HNRNPH2: variants seen among roughly 807,000 people sequenced by gnomAD.
The protein encoded by HNRNPH2 is heterogeneous nuclear ribonucleoprotein H2.
For missense variants in HNRNPH2, 115 were observed against 352.9 expected, an observed-to-expected ratio of 0.33 and a Z score of 5.40; for synonymous variants, 128 against 128.2, an observed-to-expected ratio of 1.00 and a Z score of 0.01.
intron 1 of HNRNPH2, among the ~76,000 whole-genome samples, chrX:101,411,294 G>T (rs1209351511): frequency 2.0e-5 from 2 of 100,570 alleles, no homozygotes; most frequent in Non-Finnish European, 4.1e-5. Flanking sequence ...TGTTTTGTTT[G>T]TGTTTTAATT....
At position 101,412,804 on chromosome X, in the gene HNRNPH2, T is replaced by C. The variant is rs782529056; in HGVS notation, c.816T>C (p.Ser272=). ...TCAATTACTGTTTTTCAGGAATGTCTGATCATAGATACGGAGATGGTGGGT... is the reference window on the plus strand; with the variant it reads ...TCAATTACTGTTTTTCAGGAATGTCCGATCATAGATACGGAGATGGTGGGT... ...RDLNYCFSGM[S]DHRYGDGGSS... is the part of the protein sequence containing the mutation. The change falls in exon 2 of 2, where the codon TCT becomes TCC. Residue 272 remains serine, a synonymous_variant. Transcript: ENST00000316594. 1.4e-5 allele frequency: 17 copies of C among 1,208,862 alleles called. No individual in the cohort carries two copies. In the Middle Eastern group the frequency reaches 2.8e-3, roughly 196 times the overall value.
At chrX:101,411,803 ACT>A (rs782247373) in intron 1 of HNRNPH2, 131 bp from the exon 2 acceptor site, 78 of 651,231 alleles carry the variant, frequency 1.2e-4, no homozygotes, top group African/African-American at 2.7e-4. Context: ...AATTTGGTGA[ACT>A]CTCTGTTTAT....
At chrX:101,409,670 G>T (rs990182487) in intron 1 of HNRNPH2, among the ~76,000 whole-genome samples, 3 of 111,318 alleles carry the variant, frequency 2.7e-5, no homozygotes, top group Non-Finnish European at 5.7e-5. Flanking sequence ...GGTAAAAAGC[G>T]AAAAGCCCAC....
chrX:101,410,668 C>A lies in HNRNPH2; in HGVS notation c.-53-1268C>A, dbSNP rs782737687. On this transcript the variant is annotated intron_variant, in intron 1 of 1. Transcript: ENST00000316594. ...TATGAGACAAGTTCTAACTAATCTCCCTAGTTCCACGTCGACCCCCTTCTG... is the reference window on the plus strand; with the variant it reads ...TATGAGACAAGTTCTAACTAATCTCACTAGTTCCACGTCGACCCCCTTCTG... Among the ~76,000 whole-genome samples, 3 of 111,493 alleles carry A rather than the reference C, an allele frequency of 2.7e-5. No homozygotes were observed. The Admixed American group carries it at 2.9e-4, about 11-fold the overall frequency.
In HNRNPH2 at chrX:101,413,430, G is replaced by A. The variant is rs1928868163; in HGVS notation, c.*92G>A. 2.9e-6 allele frequency: 2 copies of A among 683,890 alleles called. No homozygotes were observed. The highest frequency in any genetic ancestry group is 3.5e-5 in the Admixed American group (1 of 28,939). The allele number at this position is 683,890 out of a possible 1,213,427, so 56.4% of individuals were successfully genotyped here. A position where few individuals can be genotyped will look rare whatever the true frequency, so the allele number is the denominator to read the frequency against. ...ATGGGAGGGATGTTTAGTATATCCA[G>A]TATGATTGGTAAATGGGAAATATAA... On this transcript the variant is annotated 3_prime_UTR_variant, in exon 2 of 2. Coordinates refer to ENST00000316594, the MANE Select transcript of HNRNPH2 (RefSeq NM_019597.5).
In HNRNPH2 at chrX:101,412,083, C is replaced by G; in HGVS notation, c.95C>G (p.Ser32Cys). The G allele has an allele frequency of 8.3e-7, 1 of 1,211,470 alleles. No individual in the cohort carries two copies. Among genetic ancestry groups the G allele is most frequent in the Non-Finnish European group, 1.1e-6 (1 of 895,403 alleles). The change falls in exon 2 of 2, where the codon TCT (serine) becomes TGT (cysteine). Residue 32 changes from serine (S) to cysteine (C), a missense_variant. Coordinates refer to ENST00000316594, the MANE Select transcript of HNRNPH2 (RefSeq NM_019597.5). ...GCCGATGAAGTGATGCGCTTCTTCT[C>G]TGATTGCAAGATCCAAAATGGCACA... ...CSADEVMRFFSDCKIQNGTSG... is the reference protein window; with the variant it reads ...CSADEVMRFFCDCKIQNGTSG...
intron 1 of HNRNPH2, among the ~76,000 whole-genome samples, chrX:101,410,682 G>A (rs1457424515): frequency 1.8e-5 from 2 of 111,001 alleles, no homozygotes; most frequent in African/African-American, 6.6e-5. Context: ...GTTCCACGTC[G>A]ACCCCCTTCT....
Position 101,413,922 on chromosome X carries a change from C to T in HNRNPH2, c.*584C>T, listed in dbSNP as rs1928881951. 1 of 120,655 alleles carries T rather than the reference C, an allele frequency of 8.3e-6. No individual in the cohort carries two copies. The highest frequency in any genetic ancestry group is 3.8e-4 in the South Asian group (1 of 2,637). The allele number at this position is 120,655 out of a possible 1,213,427, so 9.9% of individuals were successfully genotyped here. A position where few individuals can be genotyped will look rare whatever the true frequency, so the allele number is the denominator to read the frequency against. ...AATTCTAGCTTTTTGGTTTAATATC[C>T]TGTAAGGCACGTGAGTGTACACTTT... On this transcript the variant is annotated 3_prime_UTR_variant, in exon 2 of 2. Coordinates refer to ENST00000316594, the MANE Select transcript of HNRNPH2 (RefSeq NM_019597.5).
rs371619229 is a variant in HNRNPH2, at chrX:101,410,854, C to T, written c.-53-1082C>T. On this transcript the variant is annotated intron_variant, in intron 1 of 1. Coordinates refer to ENST00000316594, the MANE Select transcript of HNRNPH2 (RefSeq NM_019597.5). ...CTTGCCAGTCTTTTCACTTGCTTTT[C>T]CCTCTCCTATTTGTGCTTCATCATA... Among the ~76,000 whole-genome samples, 18 of 111,240 alleles carry T rather than the reference C, an allele frequency of 1.6e-4. 3 individuals are homozygous for T. In the East Asian group the frequency reaches 1.7e-3, roughly 10 times the overall value.
rs782651226 is a variant in HNRNPH2, at chrX:101,410,211, ATCTG to A, written c.-53-1720_-53-1717del. ...TTTCAAAGAATATATAGCTCCATAA[ATCTG>A]TCTGAATTTCAGATCATCTCCTTAG... On this transcript the variant is annotated intron_variant, in intron 1 of 1. Coordinates refer to ENST00000316594, the MANE Select transcript of HNRNPH2 (RefSeq NM_019597.5). Among the ~76,000 whole-genome samples the A allele has an allele frequency of 1.6e-3, 180 of 112,493 alleles. 1 individual carries two copies. Among genetic ancestry groups the A allele is most frequent in the African/African-American group, 5.7e-3 (176 of 30,986 alleles).
Position 101,412,941 on chromosome X carries a change from A to G in HNRNPH2, c.953A>G (p.His318Arg). 8.3e-7 allele frequency: 1 copy of G among 1,210,954 alleles called. No individual in the cohort carries two copies. The highest frequency in any genetic ancestry group is 1.1e-6 in the Non-Finnish European group (1 of 894,642). ...FFSPLNPMRV[H>R]IEIGPDGRVT... ...TCACCTCTTAATCCCATGAGAGTAC[A>G]TATTGAAATTGGACCCGATGGCAGA... Residue 318 changes from histidine (H) to arginine (R), a missense_variant, in exon 2 of 2, where the codon CAT (histidine) becomes CGT (arginine). Physicochemically the swap from His to Arg is conservative, Grantham distance 29 (BLOSUM62 0). Coordinates refer to ENST00000316594, the MANE Select transcript of HNRNPH2 (RefSeq NM_019597.5).
intron 1 of HNRNPH2, among the ~76,000 whole-genome samples, chrX:101,410,640 AT>A (rs1291497221): frequency 9.0e-6 from 1 of 111,423 alleles, no homozygotes; most frequent in East Asian, 2.8e-4. Context: ...TTTAACATAT[AT>A]TTATGAGACA....
chrX:101,412,756 G>A lies in HNRNPH2; in HGVS notation c.768G>A (p.Gly256=), dbSNP rs1555988474. Residue 256 remains glycine (G), a synonymous_variant, in exon 2 of 2, where the codon GGG becomes GGA. Transcript: ENST00000316594. The part of the protein sequence containing the change: ...YGGYNDGYGF[G]SDRFGRDLNY... The stretch of plus-strand genomic sequence containing the variant: ...GCTATAATGATGGATATGGCTTTGG[G>A]TCTGATAGATTTGGAAGAGACCTCA... 8.3e-7 allele frequency: 1 copy of A among 1,210,510 alleles called. No homozygotes were observed. The highest frequency in any genetic ancestry group is 1.1e-6 in the Non-Finnish European group (1 of 894,478).
rs1186313775 is a variant in HNRNPH2, at chrX:101,413,483, CTCTT to C, written c.*151_*154del. 37 of 456,212 alleles carry C rather than the reference CTCTT, an allele frequency of 8.1e-5. No individual in the cohort carries two copies. Among genetic ancestry groups the C allele is most frequent in the East Asian group, 6.2e-4 (16 of 25,661 alleles). 37.6% of individuals were successfully genotyped at this position (456,212 alleles called of 1,213,427 possible). ...GATTCTGATCACTCTTGGTCAGCTTCTCTTTCTTTATCTTTCTTTCTCCTTTTTT... is the reference window on the plus strand; with the variant it reads ...GATTCTGATCACTCTTGGTCAGCTTCTCTTTATCTTTCTTTCTCCTTTTTT... On this transcript the variant is annotated 3_prime_UTR_variant, in exon 2 of 2. Coordinates refer to ENST00000316594, the MANE Select transcript of HNRNPH2 (RefSeq NM_019597.5).
chrX:101,411,497 C>T (rs1928800870), intron 1 of HNRNPH2, among the ~76,000 whole-genome samples: 1 of 102,092 alleles, frequency 9.8e-6, no homozygotes, highest in African/African-American at 3.6e-5. Flanking sequence ...CTCACCTCCA[C>T]CTCCTGGGTA....
In HNRNPH2 at chrX:101,413,668, A is replaced by G. The variant is rs1555988669; in HGVS notation, c.*330A>G. The G allele has an allele frequency of 1.1e-5, 2 of 178,506 alleles. No individual in the cohort carries two copies. The highest frequency in any genetic ancestry group is 2.3e-5 in the Non-Finnish European group (2 of 88,881). 14.7% of individuals were successfully genotyped at this position (178,506 alleles called of 1,213,427 possible). A position where few individuals can be genotyped will look rare whatever the true frequency, so the allele number is the denominator to read the frequency against. On this transcript the variant is annotated 3_prime_UTR_variant, in exon 2 of 2. Coordinates refer to ENST00000316594, the MANE Select transcript of HNRNPH2 (RefSeq NM_019597.5). The stretch of plus-strand genomic sequence containing the variant: ...ATAATAACAAAGTTCAGTATTGACC[A>G]TAACTGTTAAAACAATTTTTAGCTT...
rs1555988372 is a variant in HNRNPH2, at chrX:101,412,357, C to G, written c.369C>G (p.Ser123Arg). 1 of 1,211,953 alleles carries G rather than the reference C, an allele frequency of 8.3e-7. No homozygotes were observed. Residue 123 changes from serine (S) to arginine (R), a missense_variant, in exon 2 of 2, where the codon AGC becomes AGG. By Grantham distance (110) the Ser-to-Arg change is moderately radical (BLOSUM62 -1). Coordinates refer to ENST00000316594, the MANE Select transcript of HNRNPH2 (RefSeq NM_019597.5). ...VRLRGLPFGC[S>R]KEEIVQFFSG... The stretch of plus-strand genomic sequence containing the variant: ...TTAGAGGACTCCCATTTGGCTGTAG[C>G]AAGGAAGAGATTGTTCAGTTCTTTT...
In HNRNPH2 at chrX:101,412,792, T is replaced by C; in HGVS notation, c.804T>C (p.Phe268=). The C allele has an allele frequency of 8.3e-7, 1 of 1,210,469 alleles. No individual in the cohort carries two copies. Among genetic ancestry groups the C allele is most frequent in the Non-Finnish European group, 1.1e-6 (1 of 894,380 alleles). The change falls in exon 2 of 2, where the codon TTT becomes TTC. Residue 268 remains phenylalanine, a synonymous_variant. Transcript: ENST00000316594. The part of the protein sequence containing the change: ...DRFGRDLNYC[F]SGMSDHRYGD... Reference sequence around the variant, plus strand: ...TTGGAAGAGACCTCAATTACTGTTTTTCAGGAATGTCTGATCATAGATACG... The same window carrying C: ...TTGGAAGAGACCTCAATTACTGTTTCTCAGGAATGTCTGATCATAGATACG...
rs185783032 is a variant in HNRNPH2, at chrX:101,409,783, A to T, written c.-54+1464A>T. ...TGCATGCCAATCTTTTACTATAAGT[A>T]GGATCATACTATGTATATTCTTTTA... On this transcript the variant is annotated intron_variant, in intron 1 of 1. Coordinates refer to ENST00000316594, the MANE Select transcript of HNRNPH2 (RefSeq NM_019597.5). Among the ~76,000 whole-genome samples, 379 of 112,017 alleles carry T rather than the reference A, an allele frequency of 3.4e-3. 4 individuals are homozygous for T. Among genetic ancestry groups the T allele is most frequent in the African/African-American group, 0.012 (370 of 30,843 alleles).
Sources: gnomAD v4.1 joint callset for allele counts (sites outside exome capture counted in the v4.1 genomes callset) on GRCh38, gnomAD v4.1.1 for gene constraint, MANE v1.5 for transcripts, NCBI Gene and HGNC (gene_info 2026-07-23, HGNC 2026-07-21) for gene names.